Variants in ARHGAP42 observed in about 807,000 individuals in gnomAD.
The protein encoded by ARHGAP42 is rho GTPase-activating protein 42.
In ARHGAP42, 63 loss-of-function variants were observed where a neutral mutation model predicts 125.0. The observed-to-expected ratio is 0.50, with a 90% CI of 0.41 to 0.62. The LOEUF (loss-of-function observed/expected upper bound fraction) is 0.62. Among genes scored for constraint, ARHGAP42 ranks in the 20% least tolerant of loss-of-function variants. ARHGAP42 has a pLI of 0.00. For synonymous variants in ARHGAP42, 339 were observed against 351.0 expected, an observed-to-expected ratio of 0.97 and a Z score of 0.38; for missense variants, 766 against 1,024.2, an observed-to-expected ratio of 0.75 and a Z score of 3.44.
At chr11:100,977,238 C>T (rs1051274907) in intron 21 of ARHGAP42, among the ~76,000 whole-genome samples, 1 of 152,178 alleles carries the variant, frequency 6.6e-6, no homozygotes, top group African/African-American at 2.4e-5. Flanking sequence ...GAAATGAAAA[C>T]TGATGTATAA....
At chr11:100,919,727 A>G (rs78863142) in intron 5 of ARHGAP42, among the ~76,000 whole-genome samples, 1 of 152,110 alleles carries the variant, frequency 6.6e-6, no homozygotes, top group Non-Finnish European at 1.5e-5. Flanking sequence ...AAGTAAATAA[A>G]ATTTTCAAAA....
intron 1 of ARHGAP42, among the ~76,000 whole-genome samples, chr11:100,769,264 C>G (rs1428242723): frequency 6.6e-6 from 1 of 152,070 alleles, no homozygotes; most frequent in Non-Finnish European, 1.5e-5. Flanking sequence ...AACAAAGGCC[C>G]AGAGGAGTTA....
chr11:100,933,873 C>T (rs1266210953), intron 7 of ARHGAP42, among the ~76,000 whole-genome samples: 2 of 152,080 alleles, frequency 1.3e-5, no homozygotes, highest in African/African-American at 4.8e-5. Context: ...CCGCAACCTC[C>T]ACCTCCTGGG....
intron 2 of ARHGAP42, 146 bp downstream of exon 2, chr11:100,770,584 T>A (rs1862950022): frequency 3.0e-6 from 2 of 660,882 alleles, no homozygotes; most frequent in Middle Eastern, 3.7e-4. Context: ...TGGAAGAAAT[T>A]TTTTCTTTTT....
At chr11:100,832,332 A>G (rs1360225925) in intron 3 of ARHGAP42, among the ~76,000 whole-genome samples, 1 of 152,238 alleles carries the variant, frequency 6.6e-6, no homozygotes, top group Non-Finnish European at 1.5e-5. Context: ...AGCAGAGCAG[A>G]GACATGCAAA....
chr11:100,742,874 T>C (rs761002475), intron 1 of ARHGAP42, among the ~76,000 whole-genome samples: 4 of 152,226 alleles, frequency 2.6e-5, no homozygotes, highest in Non-Finnish European at 5.9e-5. Flanking sequence ...TTATTTGATA[T>C]AAGAATAGCT....
rs1862949724 is a variant in ARHGAP42 at position 100,770,573 on chromosome 11, A to G, written c.250+135A>G. 5 of 694,514 alleles carry G rather than the reference A, an allele frequency of 7.2e-6. No individual in the cohort carries two copies. The South Asian group carries it at 8.8e-5, about 12-fold the overall frequency. 43.0% of individuals were successfully genotyped at this position (694,514 alleles called of 1,614,324 possible). A position where few individuals can be genotyped will look rare whatever the true frequency, so the allele number is the denominator to read the frequency against. On this transcript the variant is annotated intron_variant, in intron 2 of 23. Transcript: ENST00000298815. ...ACTATAAGAGTGATTTTAGGTTTCT[A>G]TGGAAGAAATTTTTTCTTTTTGGAG...
chr11:100,853,335 G>T (rs1050126925), intron 3 of ARHGAP42, among the ~76,000 whole-genome samples: 1 of 152,150 alleles, frequency 6.6e-6, no homozygotes, highest in Non-Finnish European at 1.5e-5. Flanking sequence ...TCAGGCTGGT[G>T]ATAAGTAGAT....
At chr11:100,695,388 C>G (rs1710548062) in intron 1 of ARHGAP42, among the ~76,000 whole-genome samples, 1 of 152,154 alleles carries the variant, frequency 6.6e-6, no homozygotes, top group South Asian at 2.1e-4. Context: ...ACCGCAACCT[C>G]CACCTCCCGG....
chr11:100,936,676 T>A (rs1047946343), intron 8 of ARHGAP42, among the ~76,000 whole-genome samples: 1 of 152,190 alleles, frequency 6.6e-6, no homozygotes, highest in African/African-American at 2.4e-5. Flanking sequence ...ACTGTGATAA[T>A]AGTTTTACCC....
intron 1 of ARHGAP42, among the ~76,000 whole-genome samples, chr11:100,740,010 A>AT (rs1477690426): frequency 1.3e-5 from 2 of 150,830 alleles, no homozygotes; most frequent in Non-Finnish European, 2.9e-5. Flanking sequence ...TTGAAATATT[A>AT]TTTTTTAAAG....
At chr11:100,693,052 A>T (rs1861217274) in intron 1 of ARHGAP42, among the ~76,000 whole-genome samples, 1 of 152,160 alleles carries the variant, frequency 6.6e-6, no homozygotes, top group Non-Finnish European at 1.5e-5. Context: ...AGTTTACAAA[A>T]TTTGAGACTT....
At chr11:100,696,090 G>A (rs1196067995) in intron 1 of ARHGAP42, among the ~76,000 whole-genome samples, 2 of 152,032 alleles carry the variant, frequency 1.3e-5, no homozygotes, top group Non-Finnish European at 2.9e-5. Context: ...CTGGTGTAGT[G>A]ATGCGTGCCT....
At chr11:100,955,704 G>A (rs1166665307) in intron 12 of ARHGAP42, among the ~76,000 whole-genome samples, 7 of 152,246 alleles carry the variant, frequency 4.6e-5, no homozygotes, top group African/African-American at 1.7e-4. Flanking sequence ...TCCACTGAAG[G>A]AGAATTATCA....
chr11:100,704,807 G>A lies in ARHGAP42; in HGVS notation c.154+16975G>A, dbSNP rs184914400. On this transcript the variant is annotated intron_variant, in intron 1 of 23. Transcript: ENST00000298815. Reference sequence around the variant, plus strand: ...TCCCCGCCCCCGCCGCCCACTCCTTGTCTCTACAAAAATAAAAAATTAAAC... The same window carrying A: ...TCCCCGCCCCCGCCGCCCACTCCTTATCTCTACAAAAATAAAAAATTAAAC... Among the ~76,000 whole-genome samples, 56 of 151,036 alleles carry A rather than the reference G, an allele frequency of 3.7e-4. 1 individual carries two copies. The highest frequency in any genetic ancestry group is 5.3e-4 in the Admixed American group (8 of 15,118).
intron 1 of ARHGAP42, among the ~76,000 whole-genome samples, chr11:100,749,456 A>G (rs1371306981): frequency 6.9e-6 from 1 of 144,780 alleles, no homozygotes; most frequent in Non-Finnish European, 1.5e-5. Context: ...CCGGAAGGCT[A>G]ACCCCTCAAA....
chr11:100,922,506 C>T (rs1025324628), intron 6 of ARHGAP42, among the ~76,000 whole-genome samples: 5 of 152,088 alleles, frequency 3.3e-5, no homozygotes, highest in African/African-American at 1.2e-4. Flanking sequence ...TTCTTCAATT[C>T]CCATGAGATC....
intron 6 of ARHGAP42, among the ~76,000 whole-genome samples, chr11:100,923,597 A>G (rs1324857266): frequency 1.3e-5 from 2 of 152,140 alleles, no homozygotes; most frequent in African/African-American, 4.8e-5. Flanking sequence ...AATGACAAGA[A>G]TTTATGAATT....
chr11:100,844,049 T>C (rs1371481747), intron 3 of ARHGAP42, among the ~76,000 whole-genome samples: 1 of 152,044 alleles, frequency 6.6e-6, no homozygotes, highest in Non-Finnish European at 1.5e-5. Flanking sequence ...TTTCAAACTA[T>C]ACAATAAGGC....
Sources: gnomAD v4.1 joint callset for allele counts (sites outside exome capture counted in the v4.1 genomes callset) on GRCh38, gnomAD v4.1.1 for gene constraint, MANE v1.5 for transcripts, NCBI Gene and HGNC (gene_info 2026-07-23, HGNC 2026-07-21) for gene names.